The following SH3GLB2 variants were observed in gnomAD, a reference collection of about 807,000 sequenced individuals.
The protein encoded by SH3GLB2 is SH3 domain containing GRB2 like, endophilin B2, also known as endophilin-B2.
In SH3GLB2, 24 loss-of-function variants were observed where a neutral mutation model predicts 48.0. The ratio of observed to expected loss-of-function variants is 0.50; its 90% CI spans 0.36 to 0.70. The LOEUF (loss-of-function observed/expected upper bound fraction) is 0.70, where lower values mean the gene tolerates loss of function less well. Among genes scored for constraint, SH3GLB2 ranks in the 30% least tolerant of loss-of-function variants. The pLI is 0.00. For missense variants in SH3GLB2, 425 were observed against 516.0 expected (o/e 0.82, Z 1.71); for synonymous variants, 227 against 207.6 (o/e 1.09, Z -0.80).
At chr9:129,026,619 A>C (rs1844178869) in intron 1 of SH3GLB2, among the ~76,000 whole-genome samples, 1 of 145,562 alleles carries the variant, frequency 6.9e-6, no homozygotes, top group African/African-American at 2.5e-5. Flanking sequence ...GGCAGCTCCC[A>C]CCAAGCGGAG....
chr9:129,008,877 C>T lies in SH3GLB2; in HGVS notation c.1081-86G>A. 2.9e-6 allele frequency: 4 copies of T among 1,360,846 alleles called. No individual in the cohort carries two copies. The South Asian group carries it at 4.8e-5, about 16-fold the overall frequency. The allele number at this position is 1,360,846 out of a possible 1,614,324, so 84.3% of individuals were successfully genotyped here. A position where few individuals can be genotyped will look rare whatever the true frequency, so the allele number is the denominator to read the frequency against. On this transcript the variant is annotated intron_variant, in intron 10 of 10. Transcript: ENST00000372564. Reference sequence around the variant, plus strand: ...CTAAGTGGGGACAGAGCTGCCACCTCCCCATGGCCCGTGGCATGTGCTACA... The same window carrying T: ...CTAAGTGGGGACAGAGCTGCCACCTTCCCATGGCCCGTGGCATGTGCTACA...
At chr9:129,027,981 G>C in intron 1 of SH3GLB2, 111 bp downstream of exon 1, 5 of 1,014,738 alleles carry the variant, frequency 4.9e-6, no homozygotes, top group South Asian at 1.8e-5. Flanking sequence ...CGGCGGGGAC[G>C]AGGGCAGCAG....
intron 5 of SH3GLB2, chr9:129,012,710 G>A (rs540091019): frequency 1.6e-5 from 8 of 497,996 alleles, no homozygotes; most frequent in East Asian, 1.3e-4. Context: ...CCCAGAATCC[G>A]CACACCACAT....
intron 10 of SH3GLB2, 145 bp from the exon 11 acceptor site, chr9:129,008,936 A>G: frequency 3.0e-6 from 4 of 1,321,056 alleles, no homozygotes; most frequent in Non-Finnish European, 4.2e-6. Flanking sequence ...CACTTGCTCC[A>G]GAGACCCAGC....
At chr9:129,026,943 ATGGGTTGCTGGC>A (rs1429837155) in intron 1 of SH3GLB2, among the ~76,000 whole-genome samples, 1 of 151,706 alleles carries the variant, frequency 6.6e-6, no homozygotes, top group Non-Finnish European at 1.5e-5. Flanking sequence ...ACATGACTAC[ATGGGTTGCTGGC>A]TGGGTGTGGG....
chr9:129,014,541 T>TGCCCTGGGAG lies in SH3GLB2; in HGVS notation c.469-48_469-39dup. 6.5e-7 allele frequency: 1 copy of TGCCCTGGGAG among 1,545,452 alleles called. No individual in the cohort carries two copies. On this transcript the variant is annotated intron_variant, in intron 4 of 10. Transcript: ENST00000372564. The surrounding 1 kb of genome is among the most constrained non-coding windows in gnomAD (Gnocchi z 4.1). Reference sequence around the variant, plus strand: ...GCATGGGGACAGTGAGACCCTGGGCTGCCCTGGGAGACCCTGAGCCATGCA... The same window carrying TGCCCTGGGAG: ...GCATGGGGACAGTGAGACCCTGGGCTGCCCTGGGAGGCCCTGGGAGACCCTGAGCCATGCA...
chr9:129,014,741 C>G lies in SH3GLB2; in HGVS notation c.468+30G>C. The G allele has an allele frequency of 1.2e-6, 2 of 1,601,838 alleles. No individual in the cohort carries two copies. The highest frequency in any genetic ancestry group is 1.7e-6 in the Non-Finnish European group (2 of 1,174,718). On this transcript the variant is annotated intron_variant, in intron 4 of 10. Transcript: ENST00000372564. This position sits in a 1 kb window ranked among gnomAD's most constrained non-coding sequence, Gnocchi z 4.1. ...CTGAGGAGGGAACTGCCATGGTTAC[C>G]AGGAAGCGGAATAGTCCCAGGGCCC...
At chr9:129,010,258 T>C in intron 7 of SH3GLB2, 49 bp from the exon 8 acceptor site, 1 of 1,516,434 alleles carries the variant, frequency 6.6e-7, no homozygotes, top group South Asian at 1.1e-5. Context: ...CCCACCAGCT[T>C]CCCCGCAGTC....
chr9:129,010,242 A>C, intron 7 of SH3GLB2, 33 bp from the exon 8 acceptor site: 1 of 1,577,886 alleles, frequency 6.3e-7, no homozygotes, highest in South Asian at 1.1e-5. Flanking sequence ...GAGCACCCAC[A>C]CACCACCCAC....
At position 129,007,650 on chromosome 9, in the gene SH3GLB2, A is replaced by G. The variant is rs925515456; in HGVS notation, c.*1034T>C. 1.3e-5 allele frequency: 2 copies of G among 152,208 alleles called. No homozygotes were observed. The highest frequency in any genetic ancestry group is 4.8e-5 in the African/African-American group (2 of 41,444). The allele number at this position is 152,208 out of a possible 1,614,324, so 9.4% of individuals were successfully genotyped here. A position where few individuals can be genotyped will look rare whatever the true frequency, so the allele number is the denominator to read the frequency against. ...CTGATCTCATCTGTGAAATGTGGACACTGAGGACGGCATGAGAACCCATGG... is the reference window on the plus strand; with the variant it reads ...CTGATCTCATCTGTGAAATGTGGACGCTGAGGACGGCATGAGAACCCATGG... On this transcript the variant is annotated 3_prime_UTR_variant, in exon 11 of 11. Coordinates refer to ENST00000372564, the MANE Select transcript of SH3GLB2 (RefSeq NM_020145.4).
chr9:129,013,442 G>C (rs1002109561), intron 5 of SH3GLB2: 3 of 223,328 alleles, frequency 1.3e-5, no homozygotes, highest in African/African-American at 6.8e-5. Flanking sequence ...AGACTGTCCT[G>C]TTCAGGTGCC....
In SH3GLB2 at chr9:129,013,167, T is replaced by C. The variant is rs536057227; in HGVS notation, c.562-869A>G. On this transcript the variant is annotated intron_variant, in intron 5 of 10. Transcript: ENST00000372564. ...AGGGAGGCACCACAGCCTGCCCTCC[T>C]GAAGAGTCCTAACGTGTGCGTGCTT... 37 of 796,624 alleles carry C rather than the reference T, an allele frequency of 4.6e-5. No individual in the cohort carries two copies. The African/African-American group carries it at 4.8e-4, about 10-fold the overall frequency. 49.3% of individuals were successfully genotyped at this position (796,624 alleles called of 1,614,324 possible). A position where few individuals can be genotyped will look rare whatever the true frequency, so the allele number is the denominator to read the frequency against.
At chr9:129,028,069 C>A (rs1460482817) in intron 1 of SH3GLB2, 23 bp downstream of exon 1, 23 of 1,498,250 alleles carry the variant, frequency 1.5e-5, no homozygotes, top group Non-Finnish European at 1.9e-5. Flanking sequence ...GCCCCCGGCG[C>A]ACGGCGCGAC....
Position 129,014,074 on chromosome 9 carries a change from C to T in SH3GLB2, c.561+337G>A, listed in dbSNP as rs1223613856. 5.4e-6 allele frequency: 3 copies of T among 555,248 alleles called. No individual in the cohort carries two copies. Among genetic ancestry groups the T allele is most frequent in the South Asian group, 4.6e-5 (3 of 65,336 alleles). 34.4% of individuals were successfully genotyped at this position (555,248 alleles called of 1,614,324 possible). ...AGTAGTAGAGTTAGTAAGAAGGTGCCATGCCCGGGCAGAGCCGGGGACAGA... is the reference window on the plus strand; with the variant it reads ...AGTAGTAGAGTTAGTAAGAAGGTGCTATGCCCGGGCAGAGCCGGGGACAGA... On this transcript the variant is annotated intron_variant, in intron 5 of 10. Coordinates refer to ENST00000372564, the MANE Select transcript of SH3GLB2 (RefSeq NM_020145.4). This position sits in a 1 kb window ranked among gnomAD's most constrained non-coding sequence, Gnocchi z 4.1.
intron 6 of SH3GLB2, 47 bp downstream of exon 6, chr9:129,012,189 G>T: frequency 1.7e-6 from 2 of 1,177,524 alleles, no homozygotes; most frequent in East Asian, 6.3e-5. Flanking sequence ...TGTGGGACGT[G>T]GGGAGAGAGG....
At chr9:129,026,601 C>T (rs1844177849) in intron 1 of SH3GLB2, among the ~76,000 whole-genome samples, 1 of 150,428 alleles carries the variant, frequency 6.6e-6, no homozygotes, top group Non-Finnish European at 1.5e-5. Flanking sequence ...GTAACAGTGA[C>T]CCTGTGGGGC....
intron 2 of SH3GLB2, 128 bp from the exon 3 acceptor site, chr9:129,021,347 G>C: frequency 3.4e-6 from 4 of 1,172,030 alleles, no homozygotes; most frequent in Non-Finnish European, 3.5e-6. Context: ...ATACGCTCTT[G>C]CTCATGCCCA....
intron 3 of SH3GLB2, among the ~76,000 whole-genome samples, chr9:129,017,714 C>G (rs373364708): frequency 6.6e-6 from 1 of 151,378 alleles, no homozygotes; most frequent in Non-Finnish European, 1.5e-5. Flanking sequence ...CTGGCTAACA[C>G]GGTGAAATCC....
chr9:129,012,970 A>T, intron 5 of SH3GLB2: 1 of 1,550,916 alleles, frequency 6.4e-7, no homozygotes. Flanking sequence ...AGATGGGCAG[A>T]CCGGAAGCAG....
Sources: allele counts gnomAD v4.1 joint callset (sites outside exome capture counted in the v4.1 genomes callset), GRCh38; gene constraint gnomAD v4.1.1; non-coding constraint Gnocchi (gnomAD v3.1); transcripts MANE v1.5; gene names NCBI Gene and HGNC (gene_info 2026-07-23, HGNC 2026-07-21).